GPHN: variants seen among roughly 807,000 people sequenced by gnomAD.
GPHN encodes the protein gephyrin.
Under a neutral mutation model 95.5 loss-of-function variants are expected in GPHN, and 17 were observed. That is an observed-to-expected ratio of 0.18 (90% CI 0.12 to 0.27). The LOEUF (loss-of-function observed/expected upper bound fraction) is 0.27, where lower values mean the gene tolerates loss of function less well. Ranked by LOEUF, GPHN falls within the 10% of genes least tolerant of loss-of-function variation. The pLI is 1.00. For missense variants in GPHN, 660 were observed against 978.1 expected (o/e 0.67, Z 4.34); for synonymous variants, 320 against 322.5 (o/e 0.99, Z 0.08).
chr14:66,522,499 T>C (rs984653932), intron 1 of GPHN, among the ~76,000 whole-genome samples: 6 of 152,170 alleles, frequency 3.9e-5, no homozygotes, highest in Admixed American at 2.0e-4. Flanking sequence ...GAGTAATAAT[T>C]GTGGAACCTC....
At chr14:67,440,394 A>G in the GPHN span, among the ~76,000 whole-genome samples, 1 of 151,952 alleles carries the variant, frequency 6.6e-6, no homozygotes, top group Admixed American at 6.6e-5. Flanking sequence ...CTGTAAAATT[A>G]CTGTCTCCCC....
At chr14:67,328,175 T>A in the GPHN span, among the ~76,000 whole-genome samples, 2 of 152,254 alleles carry the variant, frequency 1.3e-5, no homozygotes, top group African/African-American at 2.4e-5. Flanking sequence ...ATCGCCATTC[T>A]AACTGGTGTG....
chr14:67,592,730 T>A, the GPHN span: 1 of 1,485,286 alleles, frequency 6.7e-7, no homozygotes, highest in Non-Finnish European at 9.4e-7. Context: ...TGTAAGAAAA[T>A]AAATCAAATA....
chr14:66,806,226 G>A (rs1347581742), intron 3 of GPHN, among the ~76,000 whole-genome samples: 1 of 152,166 alleles, frequency 6.6e-6, no homozygotes, highest in Admixed American at 6.5e-5. Flanking sequence ...CGGCTAAGAT[G>A]CAGGGCACCA....
At chr14:66,734,819 T>G (rs1263124095) in intron 2 of GPHN, among the ~76,000 whole-genome samples, 4 of 152,170 alleles carry the variant, frequency 2.6e-5, no homozygotes, top group Non-Finnish European at 4.4e-5. Context: ...TATTTTATAT[T>G]ATAGCTGAAA....
chr14:67,577,947 G>A, the GPHN span: 1 of 1,412,038 alleles, frequency 7.1e-7, no homozygotes. Context: ...GGAGCCCTTG[G>A]AAAATGGCCA....
At chr14:66,837,264 A>C (rs1260806632) in intron 4 of GPHN, among the ~76,000 whole-genome samples, 2 of 151,768 alleles carry the variant, frequency 1.3e-5, no homozygotes, top group African/African-American at 4.9e-5. Flanking sequence ...CTATGCAGCC[A>C]TAAAAAATGA....
chr14:67,521,279 C>G, the GPHN span, among the ~76,000 whole-genome samples: 1 of 152,172 alleles, frequency 6.6e-6, no homozygotes, highest in African/African-American at 2.4e-5. Flanking sequence ...GTGAGCTATG[C>G]TCAGGAATGA....
At chr14:66,966,122 G>T (rs2069307926) in intron 9 of GPHN, among the ~76,000 whole-genome samples, 1 of 152,070 alleles carries the variant, frequency 6.6e-6, no homozygotes, top group South Asian at 2.1e-4. Context: ...TATTTAATAA[G>T]ACATGATGTT....
intron 1 of GPHN, among the ~76,000 whole-genome samples, chr14:66,569,470 C>G (rs2060591195): frequency 6.6e-6 from 1 of 152,040 alleles, no homozygotes; most frequent in Admixed American, 6.6e-5. Flanking sequence ...CGAGACCAGC[C>G]TGGCCAACAT....
chr14:67,516,473 A>G, the GPHN span, among the ~76,000 whole-genome samples: 1 of 152,162 alleles, frequency 6.6e-6, no homozygotes, highest in East Asian at 1.9e-4. Flanking sequence ...CCCAGTGACA[A>G]ACAGCTCTCA....
At chr14:67,098,165 C>A (rs1031816539) in intron 12 of GPHN, among the ~76,000 whole-genome samples, 1 of 151,734 alleles carries the variant, frequency 6.6e-6, no homozygotes, top group African/African-American at 2.4e-5. Flanking sequence ...AAAAGATAAA[C>A]CTAACCTGGA....
At chr14:66,707,651 A>G (rs2069211539) in intron 2 of GPHN, among the ~76,000 whole-genome samples, 2 of 152,252 alleles carry the variant, frequency 1.3e-5, no homozygotes, top group South Asian at 2.1e-4. Flanking sequence ...AACAACACAC[A>G]CCAGGGCCTG....
At chr14:66,820,646 A>G (rs1245949391) in intron 3 of GPHN, among the ~76,000 whole-genome samples, 1 of 152,130 alleles carries the variant, frequency 6.6e-6, no homozygotes, top group Middle Eastern at 3.2e-3. Flanking sequence ...GGTATTCATG[A>G]GAATTTTTAA....
intron 8 of GPHN, among the ~76,000 whole-genome samples, chr14:66,926,769 A>C (rs914541370): frequency 6.6e-6 from 1 of 151,794 alleles, no homozygotes; most frequent in African/African-American, 2.4e-5. Flanking sequence ...TGTTATGATT[A>C]TTTTTTCTGT....
chr14:66,526,235 C>A (rs1296324936), intron 1 of GPHN, among the ~76,000 whole-genome samples: 1 of 151,960 alleles, frequency 6.6e-6, no homozygotes, highest in Non-Finnish European at 1.5e-5. Flanking sequence ...GTATTTTATT[C>A]TCTTTGTATC....
At chr14:66,711,553 C>A (rs1182584465) in intron 2 of GPHN, among the ~76,000 whole-genome samples, 1 of 150,158 alleles carries the variant, frequency 6.7e-6, no homozygotes, top group Non-Finnish European at 1.5e-5. Flanking sequence ...TGGGTAGATA[C>A]CCAGTAGTGG....
intron 18 of GPHN, among the ~76,000 whole-genome samples, chr14:67,149,561 C>T (rs1172464046): frequency 6.6e-6 from 1 of 151,812 alleles, no homozygotes; most frequent in African/African-American, 2.4e-5. Context: ...TTCTGAGAAT[C>T]GGGCCTTAAG....
Position 67,138,244 on chromosome 14 carries a change from G to A in GPHN, c.1749-5118G>A, listed in dbSNP as rs114155933. The stretch of plus-strand genomic sequence containing the variant: ...CACAGAGTTGTGAGATTAACACATA[G>A]GTGTGAAAATGTATTTTTTAAAAAC... On this transcript the variant is annotated intron_variant, in intron 17 of 22. Transcript: ENST00000478722. 3.5e-3 allele frequency among the ~76,000 whole-genome samples: 539 copies of A among 152,126 alleles called. 3 individuals carry two copies. The highest frequency in any genetic ancestry group is 0.012 in the African/African-American group (500 of 41,508).
Sources: gnomAD v4.1 joint callset for allele counts (sites outside exome capture counted in the v4.1 genomes callset) on GRCh38, gnomAD v4.1.1 for gene constraint, MANE v1.5 for transcripts, NCBI Gene and HGNC (gene_info 2026-07-23, HGNC 2026-07-21) for gene names.